ZBTB20: variants seen among roughly 807,000 people sequenced by gnomAD.
ZBTB20 encodes zinc finger and BTB domain-containing protein 20.
A neutral mutation model predicts 56.9 loss-of-function variants in ZBTB20; 9 were observed. The observed-to-expected ratio is 0.16, with a 90% CI of 0.10 to 0.28. The LOEUF (loss-of-function observed/expected upper bound fraction) is 0.28, where lower values mean the gene tolerates loss of function less well. Among genes scored for constraint, ZBTB20 ranks in the 10% least tolerant of loss-of-function variants. The probability of loss-of-function intolerance (pLI) is 1.00; values close to 1 mark genes in which losing one functional copy is unlikely to be tolerated. For synonymous variants in ZBTB20, 417 were observed against 420.7 expected, an observed-to-expected ratio of 0.99 and a Z score of 0.11; for missense variants, 655 against 1,003.0, an observed-to-expected ratio of 0.65 and a Z score of 4.69.
chr3:114,415,179 G>A (rs952169727), intron 7 of ZBTB20, among the ~76,000 whole-genome samples: 7 of 152,044 alleles, frequency 4.6e-5, no homozygotes, highest in African/African-American at 9.7e-5. Flanking sequence ...TGACAATCTC[G>A]CTGCAAACAA....
intron 6 of ZBTB20, among the ~76,000 whole-genome samples, chr3:114,570,514 G>A (rs2053301759): frequency 6.6e-6 from 1 of 151,894 alleles, no homozygotes; most frequent in Admixed American, 6.6e-5. Context: ...TGAAAACTGT[G>A]GGTCAGAGAG....
intron 6 of ZBTB20, among the ~76,000 whole-genome samples, chr3:114,546,164 T>C (rs1244419575): frequency 6.6e-6 from 1 of 152,236 alleles, no homozygotes; most frequent in Non-Finnish European, 1.5e-5. Flanking sequence ...TGGGTGTAGA[T>C]GTTTTTGGAG....
intron 5 of ZBTB20, among the ~76,000 whole-genome samples, chr3:114,790,227 T>C (rs2070845046): frequency 6.6e-6 from 1 of 152,200 alleles, no homozygotes; most frequent in Non-Finnish European, 1.5e-5. Context: ...ATTTTATGTA[T>C]TAATTTGCAA....
chr3:114,364,877 C>T (rs923126662), intron 10 of ZBTB20, among the ~76,000 whole-genome samples: 9 of 152,114 alleles, frequency 5.9e-5, no homozygotes, highest in Admixed American at 2.0e-4. Context: ...TTGGCCTTTT[C>T]TCCTTTTAGT....
At position 114,795,316 on chromosome 3, in the gene ZBTB20, T is replaced by C. The variant is rs1704107164; in HGVS notation, c.-343+5785A>G. The stretch of plus-strand genomic sequence containing the variant: ...TTCTTGAGCTATCCTTCAATTGGTA[T>C]TTTTGTGTGTATCTACTATGTGCTT... On this transcript the variant is annotated intron_variant, in intron 5 of 11. Coordinates refer to ENST00000675478, the MANE Select transcript of ZBTB20 (RefSeq NM_001348800.3). 3.3e-5 allele frequency among the ~76,000 whole-genome samples: 5 copies of C among 152,190 alleles called. No homozygotes were observed. The South Asian group carries it at 1.0e-3, about 32-fold the overall frequency.
intron 7 of ZBTB20, among the ~76,000 whole-genome samples, chr3:114,482,810 C>T (rs2041702421): frequency 6.6e-6 from 1 of 152,150 alleles, no homozygotes; most frequent in African/African-American, 2.4e-5. Context: ...TAATCAAGGA[C>T]TTTTAAAAAT....
At chr3:114,534,124 A>T (rs771605080) in intron 6 of ZBTB20, among the ~76,000 whole-genome samples, 1 of 152,352 alleles carries the variant, frequency 6.6e-6, no homozygotes, top group East Asian at 1.9e-4. Context: ...ACAGGATCAG[A>T]TTCACACATA....
chr3:114,499,224 T>A (rs957500181), intron 7 of ZBTB20, among the ~76,000 whole-genome samples: 1 of 152,188 alleles, frequency 6.6e-6, no homozygotes, highest in Admixed American at 6.5e-5. Context: ...TATAAATGCA[T>A]TACACACAGC....
At chr3:114,451,622 G>A (rs891117452) in intron 7 of ZBTB20, among the ~76,000 whole-genome samples, 2 of 151,914 alleles carry the variant, frequency 1.3e-5, no homozygotes, top group Admixed American at 6.6e-5. Context: ...ACACAGATAC[G>A]CAAAACTAGT....
chr3:114,822,182 C>G (rs1483588938), intron 4 of ZBTB20, among the ~76,000 whole-genome samples: 6 of 152,018 alleles, frequency 3.9e-5, no homozygotes, highest in African/African-American at 1.4e-4. Context: ...ACCTATTCTA[C>G]AGAAGTTGTA....
intron 3 of ZBTB20, among the ~76,000 whole-genome samples, chr3:114,971,368 G>C (rs371086707): frequency 6.6e-6 from 1 of 152,162 alleles, no homozygotes; most frequent in African/African-American, 2.4e-5. Flanking sequence ...AGAGATTTTG[G>C]GGGGTTCCAG....
At chr3:114,554,698 C>T (rs949002234) in intron 6 of ZBTB20, among the ~76,000 whole-genome samples, 5 of 152,096 alleles carry the variant, frequency 3.3e-5, no homozygotes, top group Admixed American at 6.6e-5. Flanking sequence ...CTAGATGACC[C>T]ACATGTGTAA....
chr3:114,929,895 G>A (rs1212732859), intron 3 of ZBTB20, among the ~76,000 whole-genome samples: 3 of 152,110 alleles, frequency 2.0e-5, no homozygotes, highest in Non-Finnish European at 4.4e-5. Context: ...TTTAATTTAC[G>A]ATTCACAAAA....
At chr3:114,420,912 A>C (rs949121249) in intron 7 of ZBTB20, among the ~76,000 whole-genome samples, 1 of 152,178 alleles carries the variant, frequency 6.6e-6, no homozygotes, top group Non-Finnish European at 1.5e-5. Context: ...TGCTGAAGCC[A>C]GATACAGACA....
At chr3:114,798,555 A>G (rs1291682451) in intron 5 of ZBTB20, among the ~76,000 whole-genome samples, 4 of 151,830 alleles carry the variant, frequency 2.6e-5, no homozygotes, top group East Asian at 1.9e-4. Flanking sequence ...AAATTCAGAT[A>G]GACTATCACG....
intron 3 of ZBTB20, among the ~76,000 whole-genome samples, chr3:114,919,096 G>T (rs950588865): frequency 9.2e-5 from 14 of 152,136 alleles, no homozygotes; most frequent in African/African-American, 3.4e-4. Context: ...TAATATAAAA[G>T]ATAAAAGACA....
chr3:114,601,783 A>G (rs1467293883), intron 6 of ZBTB20, among the ~76,000 whole-genome samples: 1 of 152,036 alleles, frequency 6.6e-6, no homozygotes, highest in African/African-American at 2.4e-5. Context: ...CTGCATGAAC[A>G]AAAAGGTCAT....
chr3:115,128,737 GAGGGA>G (rs1480841187), intron 1 of ZBTB20, among the ~76,000 whole-genome samples: 8 of 134,010 alleles, frequency 6.0e-5, no homozygotes, highest in African/African-American at 1.9e-4. Flanking sequence ...CAGTGGAGGG[GAGGGA>G]AGGGGAGGGG....
chr3:114,864,039 T>C (rs1244069272), intron 4 of ZBTB20, among the ~76,000 whole-genome samples: 1 of 152,078 alleles, frequency 6.6e-6, no homozygotes, highest in Non-Finnish European at 1.5e-5. Context: ...AAATGTGATA[T>C]TGATGTATTT....
Sources: gnomAD v4.1 joint callset for allele counts (sites outside exome capture counted in the v4.1 genomes callset) on GRCh38, gnomAD v4.1.1 for gene constraint, MANE v1.5 for transcripts, NCBI Gene and HGNC (gene_info 2026-07-23, HGNC 2026-07-21) for gene names.